The following ERBB2 variants were observed in gnomAD, a reference collection of about 807,000 sequenced individuals.
The protein encoded by ERBB2 is erb-b2 receptor tyrosine kinase 2, also known as receptor tyrosine-protein kinase erbB-2.
In ERBB2, 61 loss-of-function variants were observed where a neutral mutation model predicts 149.0. That is an observed-to-expected ratio of 0.41 (90% CI 0.33 to 0.51). The LOEUF (loss-of-function observed/expected upper bound fraction) is 0.51. Among genes scored for constraint, ERBB2 ranks in the 20% least tolerant of loss-of-function variants. ERBB2 has a pLI of 0.25. For synonymous variants in ERBB2, 633 were observed against 678.8 expected (o/e 0.93, Z 1.05); for missense variants, 1,205 against 1,655.1 (o/e 0.73, Z 4.72).
chr17:39,711,253 G>A (rs1366206176), intron 7 of ERBB2, among the ~76,000 whole-genome samples: 1 of 151,798 alleles, frequency 6.6e-6, no homozygotes, highest in Admixed American at 6.6e-5. Flanking sequence ...GTGCAGTGGT[G>A]CAATTTTGGC....
upstream of ERBB2, chr17:39,699,665 A>C: frequency 1.1e-6 from 1 of 949,336 alleles, no homozygotes; most frequent in Non-Finnish European, 1.6e-6. Context: ...TTGATATTAA[A>C]ACAAATAGGC....
intron 15 of ERBB2, among the ~76,000 whole-genome samples, chr17:39,718,518 C>T (rs971856840): frequency 1.3e-5 from 2 of 152,200 alleles, no homozygotes; most frequent in Admixed American, 6.5e-5. Flanking sequence ...TGTCAAGAGC[C>T]TGGGCGCAGT....
In ERBB2 at chr17:39,712,218, G is replaced by T. The variant is rs964438082; in HGVS notation, c.1022-104G>T. The T allele has an allele frequency of 7.2e-6, 11 of 1,535,980 alleles. No individual in the cohort carries two copies. In the African/African-American group the frequency reaches 8.2e-5, roughly 11 times the overall value. ...CCCTACAAGTGTCCCTATATCCCCT[G>T]TCAGTGTGGGGAGGGGCCCGGACCC... is the stretch of plus-strand genomic sequence containing the variant. On this transcript the variant is annotated intron_variant, in intron 8 of 26. Transcript: ENST00000269571.
At chr17:39,716,655 ATTGCCAGGGAC>A (rs1352655762) in intron 14 of ERBB2, 50 bp downstream of exon 14, 1 of 1,524,776 alleles carries the variant, frequency 6.6e-7, no homozygotes, top group Non-Finnish European at 9.1e-7. Flanking sequence ...AGCGAGGGGG[ATTGCCAGGGAC>A]TTGGCAGGAT....
chr17:39,697,548 GT>G (rs1441558557), upstream of ERBB2, among the ~76,000 whole-genome samples: 5 of 151,796 alleles, frequency 3.3e-5, no homozygotes, highest in African/African-American at 9.7e-5. Flanking sequence ...TAGAGACAGG[GT>G]TTCTCCATGT....
chr17:39,708,574 A>T, intron 3 of ERBB2, 40 bp downstream of exon 3: 1 of 1,520,198 alleles, frequency 6.6e-7, no homozygotes, highest in Non-Finnish European at 9.1e-7. Flanking sequence ...TTGGTTATTC[A>T]GAGCTGACCA....
chr17:39,699,448 CA>C (rs2057962596), upstream of ERBB2: 2 of 1,139,806 alleles, frequency 1.8e-6, no homozygotes, highest in Non-Finnish European at 2.5e-6. Context: ...GCAACAAGAG[CA>C]AAAGTTCGTT....
At chr17:39,699,749 T>C (rs1241609994), upstream of ERBB2, among the ~76,000 whole-genome samples, 1 of 152,012 alleles carries the variant, frequency 6.6e-6, no homozygotes, top group East Asian at 1.9e-4. Flanking sequence ...GTGTTAAGAG[T>C]GGCAGCCTAG....
intron 19 of ERBB2, 49 bp from the exon 20 acceptor site, chr17:39,724,677 T>C: frequency 6.5e-7 from 1 of 1,546,842 alleles, no homozygotes; most frequent in Non-Finnish European, 8.9e-7. Context: ...TGTGTGGTGT[T>C]TGGGGGTGTG....
Position 39,727,833 on chromosome 17 carries a change from C to T in ERBB2, c.3557C>T (p.Ala1186Val). 6.2e-7 allele frequency: 1 copy of T among 1,613,956 alleles called. No homozygotes were observed. The highest frequency in any genetic ancestry group is 8.5e-7 in the Non-Finnish European group (1 of 1,179,912). ...GKNGVVKDVF[A>V]FGGAVENPEY... is the part of the protein sequence containing the mutation. ...AATGGGGTCGTCAAAGACGTTTTTG[C>T]CTTTGGGGGTGCCGTGGAGAACCCC... Residue 1186 changes from alanine to valine, a missense_variant, in exon 27 of 27, where the codon GCC becomes GTC. Ala to Val is a moderately conservative substitution (Grantham distance 64, BLOSUM62 0). Coordinates refer to ENST00000269571, the MANE Select transcript of ERBB2 (RefSeq NM_004448.4). The surrounding 1 kb of genome is among the most constrained non-coding windows in gnomAD (Gnocchi z 4.3).
Position 39,708,384 on chromosome 17 carries a change from C to A in ERBB2, c.289C>A (p.Gln97Lys). 6.2e-7 allele frequency: 1 copy of A among 1,614,204 alleles called. No homozygotes were observed. Among genetic ancestry groups the A allele is most frequent in the Non-Finnish European group, 8.5e-7 (1 of 1,180,024 alleles). ...CAACCAAGTGAGGCAGGTCCCACTGCAGAGGCTGCGGATTGTGCGAGGCAC... is the reference window on the plus strand; with the variant it reads ...CAACCAAGTGAGGCAGGTCCCACTGAAGAGGCTGCGGATTGTGCGAGGCAC... ...AHNQVRQVPL[Q>K]RLRIVRGTQL... Residue 97 changes from glutamine (Q) to lysine (K), a missense_variant, in exon 3 of 27, where the codon CAG becomes AAG. Physicochemically the swap from Gln to Lys is moderately conservative, Grantham distance 53 (BLOSUM62 1). This residue lies in a region of ERBB2 where 569 missense variants were observed against 803.5 expected (regional missense o/e 0.71). Coordinates refer to ENST00000269571, the MANE Select transcript of ERBB2 (RefSeq NM_004448.4).
upstream of ERBB2, chr17:39,694,638 A>T (rs1250974692): frequency 6.6e-6 from 1 of 152,190 alleles, no homozygotes; most frequent in Non-Finnish European, 1.5e-5. Flanking sequence ...TTGTCCCCTG[A>T]AATCAAGACT....
At chr17:39,721,554 G>A (rs769876350) in intron 16 of ERBB2, among the ~76,000 whole-genome samples, 1 of 152,236 alleles carries the variant, frequency 6.6e-6, no homozygotes, top group Non-Finnish European at 1.5e-5. Flanking sequence ...GATTACAGGT[G>A]TGAGCCATCG....
Position 39,708,380 on chromosome 17 carries a change from A to G in ERBB2, c.285A>G (p.Pro95=). 1.2e-6 allele frequency: 2 copies of G among 1,614,184 alleles called. No homozygotes were observed. The highest frequency in any genetic ancestry group is 1.7e-5 in the Admixed American group (1 of 60,022). ...LIAHNQVRQV[P]LQRLRIVRGT... ...CTCACAACCAAGTGAGGCAGGTCCC[A>G]CTGCAGAGGCTGCGGATTGTGCGAG... Residue 95 remains proline (P), a synonymous_variant, in exon 3 of 27, where the codon CCA becomes CCG. Coordinates refer to ENST00000269571, the MANE Select transcript of ERBB2 (RefSeq NM_004448.4).
Position 39,717,529 on chromosome 17 carries a change from G to A in ERBB2, c.1898+49G>A, listed in dbSNP as rs772933990. 5.9e-6 allele frequency: 9 copies of A among 1,521,318 alleles called. No homozygotes were observed. The East Asian group carries it at 1.9e-4, about 32-fold the overall frequency. The allele number at this position is 1,521,318 out of a possible 1,614,324, so 94.2% of individuals were successfully genotyped here. On this transcript the variant is annotated intron_variant, in intron 15 of 26. Coordinates refer to ENST00000269571, the MANE Select transcript of ERBB2 (RefSeq NM_004448.4). ...AGAAAGGAGGACTTTCCTTTCAGGG[G>A]TCTTTCTGGGGCTCTTACTATAAAA... is the stretch of plus-strand genomic sequence containing the variant.
intron 3 of ERBB2, 59 bp from the exon 4 acceptor site, chr17:39,709,259 A>G (rs2058652447): frequency 1.9e-6 from 3 of 1,603,866 alleles, no homozygotes; most frequent in Non-Finnish European, 2.6e-6. Flanking sequence ...GGAGGGCCCC[A>G]AGGGAAGCAG....
chr17:39,719,701 C>A (rs2145744302), intron 15 of ERBB2, 86 bp from the exon 16 acceptor site: 1 of 1,372,634 alleles, frequency 7.3e-7, no homozygotes, highest in South Asian at 1.2e-5. Context: ...CCCAGCCACA[C>A]CCCTCCCAGG....
chr17:39,710,909 T>C (rs1434565257), intron 7 of ERBB2, among the ~76,000 whole-genome samples: 1 of 152,236 alleles, frequency 6.6e-6, no homozygotes, highest in Non-Finnish European at 1.5e-5. Context: ...AGGTCAGTTT[T>C]ACCTTTCGTT....
Position 39,723,398 on chromosome 17 carries a change from A to C in ERBB2, c.2026A>C (p.Lys676Gln). 6.2e-7 allele frequency: 1 copy of C among 1,613,966 alleles called. No homozygotes were observed. Among genetic ancestry groups the C allele is most frequent in the Non-Finnish European group, 8.5e-7 (1 of 1,179,998 alleles). ...GGGGGTGGTCTTTGGGATCCTCATC[A>C]AGCGACGGCAGCAGAAGATCCGGAA... is the stretch of plus-strand genomic sequence containing the variant. The part of the protein sequence containing the change: ...VLGVVFGILI[K>Q]RRQQKIRKYT... The change falls in exon 17 of 27, where the codon AAG becomes CAG. Residue 676 changes from lysine (K) to glutamine (Q), a missense_variant. Lys to Gln is a moderately conservative substitution (Grantham distance 53). Around this residue, in one of 6 missense-constraint regions of ERBB2, gnomAD observed 569 missense variants for 803.5 expected, o/e 0.71. Coordinates refer to ENST00000269571, the MANE Select transcript of ERBB2 (RefSeq NM_004448.4). The surrounding 1 kb of genome is among the most constrained non-coding windows in gnomAD (Gnocchi z 6.2).
Sources: gnomAD v4.1 joint callset for allele counts (sites outside exome capture counted in the v4.1 genomes callset) on GRCh38, gnomAD v4.1.1 for gene constraint, gnomAD v4.1.1 regional missense constraint, Gnocchi (gnomAD v3.1) non-coding constraint, MANE v1.5 for transcripts, NCBI Gene and HGNC (gene_info 2026-07-23, HGNC 2026-07-21) for gene names.